The following NARS2 variants were observed in gnomAD, a reference collection of about 807,000 sequenced individuals.
NARS2 encodes asparaginyl-tRNA synthetase 2, mitochondrial, also known as asparaginyl-tRNA synthetase.
A neutral mutation model predicts 62.9 loss-of-function variants in NARS2; 60 were observed. That is an observed-to-expected ratio of 0.95 (90% CI 0.77 to 1.18). The LOEUF (loss-of-function observed/expected upper bound fraction) is 1.18, where lower values mean the gene tolerates loss of function less well. Ranked by LOEUF, NARS2 falls within the 50% of genes most tolerant of loss-of-function variation. The pLI, the probability that NARS2 is intolerant of heterozygous loss-of-function variation, is 0.00. For missense variants in NARS2, 619 were observed against 576.4 expected (o/e 1.07, Z -0.76); for synonymous variants, 196 against 200.0 (o/e 0.98, Z 0.17).
At chr11:78,522,902 G>C (rs897236854) in intron 6 of NARS2, among the ~76,000 whole-genome samples, 1 of 152,140 alleles carries the variant, frequency 6.6e-6, no homozygotes, top group African/African-American at 2.4e-5. Flanking sequence ...GCAGTTTGCT[G>C]AATTCAATAG....
chr11:78,484,694 A>C (rs978387440), intron 7 of NARS2, among the ~76,000 whole-genome samples: 1 of 152,252 alleles, frequency 6.6e-6, no homozygotes, highest in Non-Finnish European at 1.5e-5. Flanking sequence ...ATACCATCTT[A>C]TATCAGTTAG....
chr11:78,450,666 CTTTTTT>C (rs781420225), intron 11 of NARS2, among the ~76,000 whole-genome samples: 29 of 101,568 alleles, frequency 2.9e-4, no homozygotes, highest in Admixed American at 1.5e-3. Flanking sequence ...AAAGCCTTGT[CTTTTTT>C]TTTTTTTTTT....
At chr11:78,533,009 G>C (rs1464645968) in intron 5 of NARS2, among the ~76,000 whole-genome samples, 1 of 152,106 alleles carries the variant, frequency 6.6e-6, no homozygotes, top group Non-Finnish European at 1.5e-5. Context: ...CTCAAATTTT[G>C]CACTTGAACA....
intron 4 of NARS2, among the ~76,000 whole-genome samples, chr11:78,562,311 T>A (rs934409733): frequency 6.6e-6 from 1 of 151,956 alleles, no homozygotes; most frequent in Non-Finnish European, 1.5e-5. Context: ...ATGCCTATAG[T>A]CCCAGCTACT....
At chr11:78,533,033 T>C (rs549137086) in intron 5 of NARS2, 2 of 152,302 alleles carry the variant, frequency 1.3e-5, no homozygotes. Flanking sequence ...TCTTTTAAAA[T>C]TGGATTCTGG....
intron 5 of NARS2, among the ~76,000 whole-genome samples, chr11:78,557,078 TAAC>T (rs1436327011): frequency 6.6e-6 from 1 of 152,130 alleles, no homozygotes; most frequent in Non-Finnish European, 1.5e-5. Context: ...CCCCAAACCT[TAAC>T]AAATATCAAA....
chr11:78,471,168 A>G (rs1858856176), intron 9 of NARS2, among the ~76,000 whole-genome samples: 2 of 152,324 alleles, frequency 1.3e-5, no homozygotes, highest in Admixed American at 1.3e-4. Context: ...TGTTGGTAGT[A>G]GCAGTAATAA....
intron 11 of NARS2, among the ~76,000 whole-genome samples, chr11:78,463,982 C>T (rs1290665611): frequency 6.6e-6 from 1 of 152,200 alleles, no homozygotes; most frequent in Non-Finnish European, 1.5e-5. Context: ...CTTGGTCTCA[C>T]TGACTTCAAC....
intron 6 of NARS2, among the ~76,000 whole-genome samples, chr11:78,499,138 G>A (rs1469155734): frequency 6.6e-6 from 1 of 151,672 alleles, no homozygotes; most frequent in Non-Finnish European, 1.5e-5. Flanking sequence ...GGATGGTCTT[G>A]ATCTCCTGAC....
chr11:78,507,778 C>G (rs1411934058), intron 6 of NARS2, among the ~76,000 whole-genome samples: 3 of 152,100 alleles, frequency 2.0e-5, no homozygotes, highest in African/African-American at 7.2e-5. Flanking sequence ...CTCGGCCTCC[C>G]AAAGTGCTGG....
In NARS2 at chr11:78,574,564, T is replaced by C; in HGVS notation, c.-76A>G. Reference sequence around the variant, plus strand: ...AACCCCGCCTGCAGCGGCCCTCCTTTCTCAGCTGCTCCCCTTCCGCGGCCG... The same window carrying C: ...AACCCCGCCTGCAGCGGCCCTCCTTCCTCAGCTGCTCCCCTTCCGCGGCCG... On this transcript the variant is annotated 5_prime_UTR_variant, in exon 1 of 14. Transcript: ENST00000281038. 6.9e-7 allele frequency: 1 copy of C among 1,459,176 alleles called. No homozygotes were observed. The highest frequency in any genetic ancestry group is 9.1e-7 in the Non-Finnish European group (1 of 1,099,896). 90.4% of individuals were successfully genotyped at this position (1,459,176 alleles called of 1,614,324 possible).
At position 78,489,206 on chromosome 11, in the gene NARS2, T is replaced by C. The variant is rs1040048888; in HGVS notation, c.822+3857A>G. ...AACCACACATCCAACAAGGAACTAG[T>C]AGCTAGAATATATAAAGAATTCTCT... On this transcript the variant is annotated intron_variant, in intron 7 of 13. Transcript: ENST00000281038. Among the ~76,000 whole-genome samples, 6 of 152,130 alleles carry C rather than the reference T, an allele frequency of 3.9e-5. No individual in the cohort carries two copies. The East Asian group carries it at 9.7e-4, about 25-fold the overall frequency.
chr11:78,452,728 G>A (rs1858016350), intron 11 of NARS2, among the ~76,000 whole-genome samples: 1 of 152,056 alleles, frequency 6.6e-6, no homozygotes, highest in Non-Finnish European at 1.5e-5. Flanking sequence ...TTTCTAAGAT[G>A]ATAAATAATG....
At chr11:78,480,718 A>G (rs1023556084) in intron 7 of NARS2, among the ~76,000 whole-genome samples, 1 of 152,162 alleles carries the variant, frequency 6.6e-6, no homozygotes, top group African/African-American at 2.4e-5. Flanking sequence ...AAAAAGAATC[A>G]AAAGACTAGA....
intron 11 of NARS2, among the ~76,000 whole-genome samples, chr11:78,455,517 T>A (rs919579893): frequency 6.6e-6 from 1 of 152,126 alleles, no homozygotes; most frequent in Non-Finnish European, 1.5e-5. Flanking sequence ...AAAAAAGTCC[T>A]CCTAAGGTCT....
chr11:78,462,672 T>C (rs901869229), intron 11 of NARS2, among the ~76,000 whole-genome samples: 1 of 152,208 alleles, frequency 6.6e-6, no homozygotes, highest in Non-Finnish European at 1.5e-5. Context: ...CAGTTTTTCA[T>C]TTATAAAATG....
chr11:78,551,855 A>C (rs865914126), intron 5 of NARS2, among the ~76,000 whole-genome samples: 3 of 152,060 alleles, frequency 2.0e-5, no homozygotes, highest in Admixed American at 6.5e-5. Context: ...TTGTCTCAAA[A>C]AAAAACAAAA....
rs59917269 is a variant in NARS2, at chr11:78,538,994, CAAAAAAAAAAAAA to C, written c.595-10071_595-10059del. Among the ~76,000 whole-genome samples, 28 of 49,794 alleles carry C rather than the reference CAAAAAAAAAAAAA, an allele frequency of 5.6e-4. 1 individual carries two copies. In the South Asian group the frequency reaches 0.013, roughly 22 times the overall value. 32.7% of individuals were successfully genotyped at this position (49,794 alleles called of 152,430 possible). ...TGGGCGACAGAGCGAGAATCCGTCTCAAAAAAAAAAAAAAAAAAAAAAAAAAAAAAAAGATGAG... is the reference window on the plus strand; with the variant it reads ...TGGGCGACAGAGCGAGAATCCGTCTCAAAAAAAAAAAAAAAAAAAGATGAG... On this transcript the variant is annotated intron_variant, in intron 5 of 13. Coordinates refer to ENST00000281038, the MANE Select transcript of NARS2 (RefSeq NM_024678.6).
At chr11:78,564,411 C>T (rs979747808) in intron 4 of NARS2, among the ~76,000 whole-genome samples, 4 of 152,006 alleles carry the variant, frequency 2.6e-5, no homozygotes, top group Non-Finnish European at 5.9e-5. Context: ...GGCTGGTCTC[C>T]AACTCCTGGG....
Sources: allele counts gnomAD v4.1 joint callset (sites outside exome capture counted in the v4.1 genomes callset), GRCh38; gene constraint gnomAD v4.1.1; transcripts MANE v1.5; gene names NCBI Gene and HGNC (gene_info 2026-07-23, HGNC 2026-07-21).